The following INHBA variants were observed in gnomAD, a reference collection of about 807,000 sequenced individuals.
INHBA encodes inhibin beta A chain.
Under a neutral mutation model 29.0 loss-of-function variants are expected in INHBA, and 1 was observed. The observed-to-expected ratio is 0.03, with a 90% CI of 0.01 to 0.16. INHBA has a LOEUF of 0.16. Among genes scored for constraint, INHBA ranks in the 10% least tolerant of loss-of-function variants. The pLI is 1.00. For missense variants in INHBA, 376 were observed against 545.4 expected, an observed-to-expected ratio of 0.69 and a Z score of 3.09; for synonymous variants, 242 against 216.8, an observed-to-expected ratio of 1.12 and a Z score of -1.02.
chr7:41,701,621 C>G (rs1376447142), intron 1 of INHBA, among the ~76,000 whole-genome samples: 2 of 152,176 alleles, frequency 1.3e-5, no homozygotes, highest in African/African-American at 2.4e-5. Context: ...GGGACCCACT[C>G]ACTCTCACAC....
intron 2 of INHBA, among the ~76,000 whole-genome samples, chr7:41,698,070 T>A (rs1274953650): frequency 6.6e-6 from 1 of 152,142 alleles, no homozygotes; most frequent in Admixed American, 6.5e-5. Context: ...AGTCGCTCAT[T>A]TTTTTTCAAA....
Position 41,686,655 on chromosome 7 carries a change from C to T in INHBA, c.*2995G>A, listed in dbSNP as rs756495346. 7.2e-5 allele frequency: 11 copies of T among 152,068 alleles called. No individual in the cohort carries two copies. The highest frequency in any genetic ancestry group is 1.3e-4 in the Non-Finnish European group (9 of 68,006). The allele number at this position is 152,068 out of a possible 1,614,324, so 9.4% of individuals were successfully genotyped here. A position where few individuals can be genotyped will look rare whatever the true frequency, so the allele number is the denominator to read the frequency against. On this transcript the variant is annotated 3_prime_UTR_variant, in exon 3 of 3. Transcript: ENST00000242208. ...TTTGATAACCCAATCACTCAATATC[C>T]AATTAAAATATGGAATAAGTTTCAA... is the stretch of plus-strand genomic sequence containing the variant.
intron 2 of INHBA, among the ~76,000 whole-genome samples, chr7:41,699,304 C>G (rs1794718582): frequency 6.6e-6 from 1 of 151,680 alleles, no homozygotes; most frequent in South Asian, 2.1e-4. Flanking sequence ...TTTTTTCTTT[C>G]AGAGAGCAAA....
rs1794470378 is a variant in INHBA at position 41,690,233 on chromosome 7, T to C, written c.698A>G (p.Gln233Arg). 6.2e-7 allele frequency: 1 copy of C among 1,613,986 alleles called. No individual in the cohort carries two copies. Among genetic ancestry groups the C allele is most frequent in the Admixed American group, 1.7e-5 (1 of 60,022 alleles). Residue 233 changes from glutamine to arginine, a missense_variant, in exon 3 of 3, where the codon CAG becomes CGG. Gln to Arg is a conservative substitution (Grantham distance 43, BLOSUM62 1). Around this residue, in one of 4 missense-constraint regions of INHBA, gnomAD observed 253 missense variants for 313.4 expected, o/e 0.81. Transcript: ENST00000242208. ...CCGAACGTCCAGGGAGCTCTTGCCC[T>C]GGTCCAGCAACCGCTGGATGCTGCT... is the stretch of plus-strand genomic sequence containing the variant. ...VSSSIQRLLD[Q>R]GKSSLDVRIA...
At chr7:41,692,581 C>T (rs999846399) in intron 2 of INHBA, 3 of 152,360 alleles carry the variant, frequency 2.0e-5, no homozygotes, top group Non-Finnish European at 2.9e-5. Flanking sequence ...TTTCTATAAA[C>T]TTACGAGGAT....
rs1220616804 is a variant in INHBA, at chr7:41,687,244, ATGTTTGGTTTCTCAC to A, written c.*2391_*2405del. 6.6e-6 allele frequency: 1 copy of A among 152,196 alleles called. No individual in the cohort carries two copies. The highest frequency in any genetic ancestry group is 2.4e-5 in the African/African-American group (1 of 41,460). The allele number at this position is 152,196 out of a possible 1,614,324, so 9.4% of individuals were successfully genotyped here. A position where few individuals can be genotyped will look rare whatever the true frequency, so the allele number is the denominator to read the frequency against. ...AAGGAGAGCTAAACCACCTTTTGTAATGTTTGGTTTCTCACTGTTATCTTCCTTTCCTATAATTAA... is the reference window on the plus strand; with the variant it reads ...AAGGAGAGCTAAACCACCTTTTGTAATGTTATCTTCCTTTCCTATAATTAA... On this transcript the variant is annotated 3_prime_UTR_variant, in exon 3 of 3. Transcript: ENST00000242208.
chr7:41,692,062 T>C (rs932531922), intron 2 of INHBA: 4 of 152,222 alleles, frequency 2.6e-5, no homozygotes, highest in Admixed American at 2.6e-4. Context: ...CCTTCTCTTT[T>C]CCTAAGCAAC....
At position 41,696,511 on chromosome 7, in the gene INHBA, T is replaced by TA. The variant is rs536828818; in HGVS notation, c.388+3475dup. 3.1e-4 allele frequency among the ~76,000 whole-genome samples: 47 copies of TA among 152,298 alleles called. No individual in the cohort carries two copies. The South Asian group carries it at 3.7e-3, about 12-fold the overall frequency. On this transcript the variant is annotated intron_variant, in intron 2 of 2. Coordinates refer to ENST00000242208, the MANE Select transcript of INHBA (RefSeq NM_002192.4). ...CTGCAGGATGAGAGGGAGCAGGCGG[T>TA]AACTGATAATCACCAAGATTAGGGC...
intron 2 of INHBA, among the ~76,000 whole-genome samples, chr7:41,697,621 C>CTTT (rs1248513766): frequency 1.3e-5 from 2 of 152,224 alleles, no homozygotes; most frequent in African/African-American, 4.8e-5. Flanking sequence ...TTCTATGCTG[C>CTTT]ACAAAATGGT....
chr7:41,699,834 C>A (rs923555247), intron 2 of INHBA, among the ~76,000 whole-genome samples, 153 bp downstream of exon 2: 1 of 152,074 alleles, frequency 6.6e-6, no homozygotes, highest in Non-Finnish European at 1.5e-5. Context: ...TGCCCTCCGT[C>A]GGCTAGTCCG....
chr7:41,698,032 T>A (rs899137817), intron 2 of INHBA, among the ~76,000 whole-genome samples: 1 of 152,214 alleles, frequency 6.6e-6, no homozygotes, highest in Non-Finnish European at 1.5e-5. Context: ...TGACTCAATG[T>A]GAACGTCCAA....
chr7:41,692,010 C>T (rs1794535222), intron 2 of INHBA: 3 of 152,218 alleles, frequency 2.0e-5, no homozygotes, highest in Admixed American at 6.5e-5. Context: ...TTAGCAACCA[C>T]TCAGTTCCAG....
intron 2 of INHBA, chr7:41,693,910 C>G (rs1202744095): frequency 6.6e-6 from 1 of 152,210 alleles, no homozygotes; most frequent in Non-Finnish European, 1.5e-5. Context: ...AATTGACATG[C>G]CTGTCGCCTC....
At chr7:41,699,700 C>G (rs1794727940) in intron 2 of INHBA, among the ~76,000 whole-genome samples, 1 of 152,108 alleles carries the variant, frequency 6.6e-6, no homozygotes, top group African/African-American at 2.4e-5. Context: ...CCTTCCAGCT[C>G]AACATTGGCC....
rs1206825286 is a variant in INHBA, at chr7:41,688,733, A to G, written c.*917T>C. On this transcript the variant is annotated 3_prime_UTR_variant, in exon 3 of 3. Coordinates refer to ENST00000242208, the MANE Select transcript of INHBA (RefSeq NM_002192.4). ...CGATTAAAAAAAAAACAACAACAAC[A>G]TTTACAAAATATAGAAATGTTTGGA... 1 of 169,704 alleles carries G rather than the reference A, an allele frequency of 5.9e-6. No homozygotes were observed. Among genetic ancestry groups the G allele is most frequent in the Non-Finnish European group, 1.3e-5 (1 of 78,904 alleles). 10.5% of individuals were successfully genotyped at this position (169,704 alleles called of 1,614,324 possible). A position where few individuals can be genotyped will look rare whatever the true frequency, so the allele number is the denominator to read the frequency against.
chr7:41,702,533 T>C (rs1394488532), intron 1 of INHBA, among the ~76,000 whole-genome samples: 1 of 152,226 alleles, frequency 6.6e-6, no homozygotes, highest in Non-Finnish European at 1.5e-5. Flanking sequence ...CTTTGTGCTA[T>C]AATACTTAAC....
chr7:41,698,044 G>A (rs1301506242), intron 2 of INHBA, among the ~76,000 whole-genome samples: 3 of 152,064 alleles, frequency 2.0e-5, no homozygotes, highest in African/African-American at 7.3e-5. Context: ...AACGTCCAAC[G>A]AATCGCTTTT....
chr7:41,696,695 T>G (rs1375711450), intron 2 of INHBA, among the ~76,000 whole-genome samples: 1 of 152,136 alleles, frequency 6.6e-6, no homozygotes, highest in Non-Finnish European at 1.5e-5. Flanking sequence ...GAGGGGTGAT[T>G]CACAGAAAAG....
At chr7:41,696,483 T>C (rs1249692512) in intron 2 of INHBA, among the ~76,000 whole-genome samples, 1 of 152,172 alleles carries the variant, frequency 6.6e-6, no homozygotes, top group Admixed American at 6.5e-5. Context: ...TTCCTAACTT[T>C]TTCTGCAGGA....
Sources: allele counts gnomAD v4.1 joint callset (sites outside exome capture counted in the v4.1 genomes callset), GRCh38; gene constraint gnomAD v4.1.1; regional missense constraint gnomAD v4.1.1; transcripts MANE v1.5; gene names NCBI Gene and HGNC (gene_info 2026-07-23, HGNC 2026-07-21).